UROS: variants seen among roughly 807,000 people sequenced by gnomAD.
UROS encodes the protein uroporphyrinogen III synthase.
Under a neutral mutation model 33.0 loss-of-function variants are expected in UROS, and 18 were observed. The ratio of observed to expected loss-of-function variants is 0.55; its 90% CI spans 0.38 to 0.81. The LOEUF (loss-of-function observed/expected upper bound fraction) is 0.81. Ranked by LOEUF, UROS falls within the 30% of genes least tolerant of loss-of-function variation. UROS has a pLI of 0.00. For missense variants in UROS, 293 were observed against 314.9 expected (o/e 0.93, Z 0.53); for synonymous variants, 114 against 121.1 (o/e 0.94, Z 0.38).
At chr10:125,812,159 A>G in intron 5 of UROS, 55 bp downstream of exon 5, 1 of 1,552,392 alleles carries the variant, frequency 6.4e-7, no homozygotes, top group Non-Finnish European at 8.9e-7. Context: ...CTGTTTTTTA[A>G]AACTGAAAAG....
intron 6 of UROS, chr10:125,802,997 C>A (rs547620436): frequency 4.3e-5 from 70 of 1,612,798 alleles, no homozygotes; most frequent in Middle Eastern, 1.6e-4. Context: ...ACTTTCTTCA[C>A]TTCAAAAGAT....
At chr10:125,821,321 T>C (rs1161282538) in intron 1 of UROS, among the ~76,000 whole-genome samples, 2 of 152,208 alleles carry the variant, frequency 1.3e-5, no homozygotes, top group Non-Finnish European at 2.9e-5. Context: ...AGGAAGGAAA[T>C]CCTAATGCAT....
chr10:125,807,081 A>G (rs1589975462), intron 6 of UROS: 1 of 346,770 alleles, frequency 2.9e-6, no homozygotes, highest in Non-Finnish European at 5.5e-6. Flanking sequence ...GTCCTCAGTA[A>G]GGGGAGAGTA....
At chr10:125,799,147 A>G (rs1158448578) in intron 6 of UROS, among the ~76,000 whole-genome samples, 2 of 152,234 alleles carry the variant, frequency 1.3e-5, no homozygotes, top group African/African-American at 4.8e-5. Context: ...AACAACAGGA[A>G]TAACTGCAGG....
rs7900047 is a variant in UROS at position 125,804,156 on chromosome 10, G to A, written c.394+3257C>T. 1.7e-3 allele frequency among the ~76,000 whole-genome samples: 257 copies of A among 152,286 alleles called. 1 individual carries two copies. The highest frequency in any genetic ancestry group is 5.9e-3 in the African/African-American group (246 of 41,550). On this transcript the variant is annotated intron_variant, in intron 6 of 9. Coordinates refer to ENST00000368797, the MANE Select transcript of UROS (RefSeq NM_000375.3). ...TGGCCCCTAGAAAGCTTCAGGATGG[G>A]GGCTGAAGGCCACACAGAGGATCAC...
chr10:125,809,918 C>T (rs1165898706), intron 5 of UROS, among the ~76,000 whole-genome samples: 2 of 152,182 alleles, frequency 1.3e-5, no homozygotes, highest in African/African-American at 4.8e-5. Context: ...AAAATTATGT[C>T]AGCGTGCAAC....
chr10:125,809,544 G>A (rs948142404), intron 5 of UROS, among the ~76,000 whole-genome samples: 6 of 152,028 alleles, frequency 3.9e-5, no homozygotes, highest in Non-Finnish European at 7.4e-5. Flanking sequence ...TAAGTGAAAC[G>A]ACATACAGCA....
Position 125,788,933 on chromosome 10 carries a change from T to C in UROS, c.733A>G (p.Ser245Gly). 1 of 1,610,202 alleles carries C rather than the reference T, an allele frequency of 6.2e-7. No individual in the cohort carries two copies. ...QGLPVSCTAE[S>G]PTPQALATGI... ...GTGGCCAGGGCTTGTGGCGTGGGGCTCTCTGCAGTGCAGCTTACAGGAAGG... is the reference window on the plus strand; with the variant it reads ...GTGGCCAGGGCTTGTGGCGTGGGGCCCTCTGCAGTGCAGCTTACAGGAAGG... The change falls in exon 10 of 10, where the codon AGC (serine) becomes GGC (glycine). Residue 245 changes from serine to glycine, a missense_variant. Transcript: ENST00000368797.
At chr10:125,789,205 A>G in intron 9 of UROS, 200 bp from the exon 10 acceptor site, 1 of 1,441,536 alleles carries the variant, frequency 6.9e-7, no homozygotes, top group East Asian at 2.5e-5. Flanking sequence ...CCACGCTCTC[A>G]TCAGTCTGCC....
chr10:125,786,280 T>TC (rs1354917946), downstream of UROS, among the ~76,000 whole-genome samples: 1 of 144,312 alleles, frequency 6.9e-6, no homozygotes, highest in East Asian at 2.0e-4. Flanking sequence ...ACATGAACCT[T>TC]TTTTTTTTTT....
At chr10:125,798,380 G>C (rs1421097923) in intron 6 of UROS, among the ~76,000 whole-genome samples, 3 of 152,196 alleles carry the variant, frequency 2.0e-5, no homozygotes, top group African/African-American at 7.2e-5. Context: ...CTCAGAAAAT[G>C]AACATCCACA....
In UROS at chr10:125,788,968, G is replaced by A. The variant is rs1564769114; in HGVS notation, c.698C>T (p.Ala233Val). Residue 233 changes from alanine to valine, a missense_variant, in exon 10 of 10, where the codon GCC (alanine) becomes GTC (valine). Transcript: ENST00000368797. ...GCAGCTTACAGGAAGGCCCTGGGCGGCCAGCGCGCGAGCCGTAGTGGGGCC... is the reference window on the plus strand; with the variant it reads ...GCAGCTTACAGGAAGGCCCTGGGCGACCAGCGCGCGAGCCGTAGTGGGGCC... ...AIGPTTARALAAQGLPVSCTA... is the reference protein window; with the variant it reads ...AIGPTTARALVAQGLPVSCTA... The A allele has an allele frequency of 8.1e-6, 13 of 1,611,912 alleles. No homozygotes were observed. The highest frequency in any genetic ancestry group is 1.0e-5 in the Non-Finnish European group (12 of 1,179,810).
chr10:125,794,667 C>T (rs889598129), intron 9 of UROS, among the ~76,000 whole-genome samples: 2 of 152,066 alleles, frequency 1.3e-5, no homozygotes, highest in African/African-American at 2.4e-5. Flanking sequence ...CACAGAGAGA[C>T]AATTATCCCC....
intron 9 of UROS, chr10:125,792,173 A>G (rs1001242484): frequency 2.0e-5 from 3 of 152,224 alleles, no homozygotes; most frequent in Non-Finnish European, 4.4e-5. Context: ...AAATTTGAAA[A>G]AAAGAAACTC....
chr10:125,817,221 TG>T, intron 1 of UROS, among the ~76,000 whole-genome samples: 1 of 129,870 alleles, frequency 7.7e-6, no homozygotes, highest in Non-Finnish European at 1.6e-5. Context: ...TGTTTATAGA[TG>T]TATTTTTTTT....
chr10:125,794,751 C>A, intron 9 of UROS, 129 bp downstream of exon 9: 1 of 842,980 alleles, frequency 1.2e-6, no homozygotes, highest in South Asian at 1.6e-5. Context: ...GTAGAGCTGC[C>A]CTTCCAATTC....
intron 6 of UROS, chr10:125,802,203 C>A: frequency 2.0e-6 from 2 of 985,518 alleles, no homozygotes; most frequent in Non-Finnish European, 2.4e-6. Flanking sequence ...GTACCAGGAA[C>A]CCCTGGAGCG....
intron 9 of UROS, chr10:125,794,518 C>A: frequency 2.9e-6 from 1 of 346,764 alleles, no homozygotes; most frequent in Non-Finnish European, 4.7e-6. Flanking sequence ...TAATGGCAAA[C>A]ATAAGATGGG....
chr10:125,810,797 T>G (rs1408803876), intron 5 of UROS, among the ~76,000 whole-genome samples: 1 of 152,212 alleles, frequency 6.6e-6, no homozygotes, highest in African/African-American at 2.4e-5. Flanking sequence ...TCTGAAAAGG[T>G]GAGCTAAAAT....
Sources: gnomAD v4.1 joint callset for allele counts (sites outside exome capture counted in the v4.1 genomes callset) on GRCh38, gnomAD v4.1.1 for gene constraint, MANE v1.5 for transcripts, NCBI Gene and HGNC (gene_info 2026-07-23, HGNC 2026-07-21) for gene names.